Variants in PLEKHA7 observed in about 807,000 individuals in gnomAD.
PLEKHA7 encodes pleckstrin homology domain containing A7.
In PLEKHA7, 104 loss-of-function variants were observed where a neutral mutation model predicts 170.0. The ratio of observed to expected loss-of-function variants is 0.61; its 90% CI spans 0.52 to 0.72. The LOEUF (loss-of-function observed/expected upper bound fraction) is 0.72, where lower values mean the gene tolerates loss of function less well. Among genes scored for constraint, PLEKHA7 ranks in the 30% least tolerant of loss-of-function variants. The pLI is 0.00. For synonymous variants in PLEKHA7, 648 were observed against 660.8 expected, an observed-to-expected ratio of 0.98 and a Z score of 0.30; for missense variants, 1,615 against 1,671.7, an observed-to-expected ratio of 0.97 and a Z score of 0.59.
In PLEKHA7 at chr11:17,014,327, G is replaced by T; in HGVS notation, c.75C>A (p.Val25=). The change falls in exon 1 of 27, where the codon GTC becomes GTA. Residue 25 remains valine, a synonymous_variant. Transcript: ENST00000531066. The part of the protein sequence containing the change: ...WSYGVCRDGR[V]FFINDQLRCT... ...TCCTCGCGCCGCACTTGATGAAGAA[G>T]ACGCGGCCATCCCGGCACACCCCGT... 1 of 1,446,408 alleles carries T rather than the reference G, an allele frequency of 6.9e-7. No individual in the cohort carries two copies. Among genetic ancestry groups the T allele is most frequent in the East Asian group, 3.1e-5 (1 of 31,888 alleles). The allele number at this position is 1,446,408 out of a possible 1,614,324, so 89.6% of individuals were successfully genotyped here. A position where few individuals can be genotyped will look rare whatever the true frequency, so the allele number is the denominator to read the frequency against.
chr11:17,012,277 G>A (rs1389411521), intron 3 of PLEKHA7, among the ~76,000 whole-genome samples: 3 of 151,292 alleles, frequency 2.0e-5, no homozygotes, highest in Non-Finnish European at 4.4e-5. Flanking sequence ...AAGCTTTGCG[G>A]CATTTACCTT....
chr11:16,819,055 G>A (rs548959190), intron 10 of PLEKHA7, among the ~76,000 whole-genome samples: 3 of 151,162 alleles, frequency 2.0e-5, no homozygotes, highest in African/African-American at 7.3e-5. Flanking sequence ...TGACCGCCTC[G>A]GCCTCCCAAA....
chr11:16,881,025 T>C (rs976734053), intron 3 of PLEKHA7, among the ~76,000 whole-genome samples: 1 of 152,164 alleles, frequency 6.6e-6, no homozygotes, highest in Non-Finnish European at 1.5e-5. Flanking sequence ...CCAACCTCAC[T>C]TGCCAACAAA....
In PLEKHA7 at chr11:16,938,063, C is replaced by T. The variant is rs11024082; in HGVS notation, c.222-66881G>A. Among the ~76,000 whole-genome samples the T allele has an allele frequency of 1.4e-3, 217 of 152,254 alleles. 5 individuals carry two copies. The East Asian group carries it at 0.037, about 26-fold the overall frequency. On this transcript the variant is annotated intron_variant, in intron 3 of 26. Transcript: ENST00000531066. ...ATTCTTCCCAACCTCCTGGGTTTGT[C>T]CTTTTCCTCTTACTTATATTTTCCC... is the stretch of plus-strand genomic sequence containing the variant.
intron 3 of PLEKHA7, among the ~76,000 whole-genome samples, chr11:16,884,337 A>G (rs1213505630): frequency 6.6e-6 from 1 of 152,246 alleles, no homozygotes; most frequent in Non-Finnish European, 1.5e-5. Flanking sequence ...AATTTCATAT[A>G]AAATTTCAGC....
At chr11:16,852,480 C>T (rs1474628449) in intron 6 of PLEKHA7, 125 bp from the exon 7 acceptor site, 2 of 665,110 alleles carry the variant, frequency 3.0e-6, no homozygotes, top group Non-Finnish European at 5.0e-6. Context: ...AATAAATTAC[C>T]ATTTTACTGA....
At chr11:16,842,841 T>C (rs1227322496) in intron 8 of PLEKHA7, among the ~76,000 whole-genome samples, 2 of 152,218 alleles carry the variant, frequency 1.3e-5, no homozygotes, top group Non-Finnish European at 2.9e-5. Context: ...TTTAATCTCA[T>C]TGTAATCCTA....
At chr11:16,933,570 T>A (rs1332209034) in intron 3 of PLEKHA7, among the ~76,000 whole-genome samples, 3 of 152,208 alleles carry the variant, frequency 2.0e-5, no homozygotes, top group East Asian at 3.9e-4. Context: ...ACTGAGTGGA[T>A]GCCAGCACTG....
At chr11:16,984,539 C>T (rs1350869874) in intron 3 of PLEKHA7, among the ~76,000 whole-genome samples, 2 of 152,058 alleles carry the variant, frequency 1.3e-5, no homozygotes, top group Non-Finnish European at 2.9e-5. Context: ...CATGTCCTGC[C>T]CCTACATGGC....
intron 3 of PLEKHA7, among the ~76,000 whole-genome samples, chr11:16,955,310 G>A (rs571661688): frequency 1.3e-5 from 2 of 152,266 alleles, no homozygotes; most frequent in African/African-American, 4.8e-5. Flanking sequence ...TTCAAATATT[G>A]CTTCCTATTG....
At chr11:16,854,722 A>G (rs1853284805) in intron 6 of PLEKHA7, among the ~76,000 whole-genome samples, 167 bp downstream of exon 6, 1 of 152,200 alleles carries the variant, frequency 6.6e-6, no homozygotes, top group Admixed American at 6.5e-5. Context: ...GTCCACTCAT[A>G]AGAACAAACG....
intron 3 of PLEKHA7, among the ~76,000 whole-genome samples, chr11:16,967,784 C>G (rs138127059): frequency 3.3e-5 from 5 of 152,096 alleles, no homozygotes; most frequent in Admixed American, 2.6e-4. Context: ...GCTCTCCAGG[C>G]ACCAGAGTGA....
At chr11:16,912,156 C>T (rs1472530906) in intron 3 of PLEKHA7, among the ~76,000 whole-genome samples, 1 of 152,198 alleles carries the variant, frequency 6.6e-6, no homozygotes. Flanking sequence ...GGCAGACACA[C>T]CTTACTCCTT....
chr11:17,013,771 C>A (rs1423755692), intron 3 of PLEKHA7, among the ~76,000 whole-genome samples: 1 of 152,188 alleles, frequency 6.6e-6, no homozygotes, highest in Non-Finnish European at 1.5e-5. Flanking sequence ...CTCTTCCCCC[C>A]CGGCCCAGGT....
At chr11:16,899,259 G>A (rs1193252417) in intron 3 of PLEKHA7, among the ~76,000 whole-genome samples, 1 of 152,220 alleles carries the variant, frequency 6.6e-6, no homozygotes, top group Non-Finnish European at 1.5e-5. Flanking sequence ...CACTTTGGGA[G>A]GCTGAGGCAG....
Position 16,786,391 on chromosome 11 carries a change from G to A in PLEKHA7, c.3358-4C>T, listed in dbSNP as rs756921757. On this transcript the variant is annotated splice_region_variant and splice_polypyrimidine_tract_variant and intron_variant, in intron 23 of 26. Coordinates refer to ENST00000531066, the MANE Select transcript of PLEKHA7 (RefSeq NM_001329630.2). ...CAAAGTCCTGCTCACGCTTCCACTG[G>A]CAACAGAACAAGAGGTTAAACGTAG... 24 of 1,536,106 alleles carry A rather than the reference G, an allele frequency of 1.6e-5. No homozygotes were observed. The highest frequency in any genetic ancestry group is 2.1e-5 in the Non-Finnish European group (24 of 1,146,910).
chr11:16,801,495 T>C (rs984115495), intron 16 of PLEKHA7, among the ~76,000 whole-genome samples, 173 bp downstream of exon 16: 2 of 152,172 alleles, frequency 1.3e-5, no homozygotes, highest in African/African-American at 4.8e-5. Flanking sequence ...GGCAGACATG[T>C]CACCCCCAGA....
chr11:16,780,916 G>C (rs1848973830), intron 26 of PLEKHA7: 2 of 897,424 alleles, frequency 2.2e-6, no homozygotes, highest in African/African-American at 3.6e-5. Flanking sequence ...GAAGCAGGCA[G>C]AAGCACACCA....
Position 16,790,828 on chromosome 11 carries a change from C to T in PLEKHA7, c.3022G>A (p.Glu1008Lys). 6.2e-7 allele frequency: 1 copy of T among 1,609,206 alleles called. No individual in the cohort carries two copies. The highest frequency in any genetic ancestry group is 8.5e-7 in the Non-Finnish European group (1 of 1,178,010). Residue 1008 changes from glutamate to lysine, a missense_variant, in exon 21 of 27, where the codon GAG becomes AAG. By Grantham distance (56) the Glu-to-Lys change is moderately conservative. Coordinates refer to ENST00000531066, the MANE Select transcript of PLEKHA7 (RefSeq NM_001329630.2). ...CCTGGCAGCGTCTGGTACCTGCTCT[C>T]AGGGCCCACAAGTCCTAGGGAGGGC... ...AQPSLGLVGP[E>K]SRYQTLPGRG...
Sources: gnomAD v4.1 joint callset for allele counts (sites outside exome capture counted in the v4.1 genomes callset) on GRCh38, gnomAD v4.1.1 for gene constraint, MANE v1.5 for transcripts, NCBI Gene and HGNC (gene_info 2026-07-23, HGNC 2026-07-21) for gene names.